The following IQUB variants were observed in gnomAD, a reference collection of about 807,000 sequenced individuals.
The protein encoded by IQUB is IQ motif and ubiquitin domain containing, also known as IQ motif and ubiquitin-like domain-containing protein.
In IQUB, 86 loss-of-function variants were observed where a neutral mutation model predicts 86.4. The observed-to-expected ratio is 1.00, with a 90% CI of 0.84 to 1.19. The LOEUF is 1.19. Ranked by LOEUF, IQUB falls within the 50% of genes most tolerant of loss-of-function variation. The probability of loss-of-function intolerance (pLI) is 0.00; values close to 1 mark genes in which losing one functional copy is unlikely to be tolerated. For synonymous variants in IQUB, 289 were observed against 304.5 expected (o/e 0.95, Z 0.53); for missense variants, 946 against 916.9 (o/e 1.03, Z -0.41).
intron 9 of IQUB, 126 bp from the exon 10 acceptor site, chr7:123,465,135 A>C (rs1794187704): frequency 1.6e-6 from 1 of 634,438 alleles, no homozygotes; most frequent in Non-Finnish European, 2.7e-6. Flanking sequence ...TAGGAGTATA[A>C]ATTGGCAAAA....
chr7:123,466,664 A>G (rs1293044832), intron 9 of IQUB, among the ~76,000 whole-genome samples: 1 of 152,176 alleles, frequency 6.6e-6, no homozygotes, highest in African/African-American at 2.4e-5. Context: ...ATCCACAGAA[A>G]GAGCGTTCTT....
At chr7:123,496,576 T>C in intron 7 of IQUB, 120 bp downstream of exon 7, 1 of 589,626 alleles carries the variant, frequency 1.7e-6, no homozygotes. Flanking sequence ...AATTCTCTAC[T>C]GCAAATTTCC....
intron 7 of IQUB, among the ~76,000 whole-genome samples, chr7:123,483,705 T>C (rs917456239): frequency 6.6e-6 from 1 of 152,100 alleles, no homozygotes; most frequent in African/African-American, 2.4e-5. Context: ...TCTTTTCATT[T>C]ATCTTCACCT....
chr7:123,474,671 C>G (rs1003094383), intron 8 of IQUB, among the ~76,000 whole-genome samples: 6 of 152,308 alleles, frequency 3.9e-5, no homozygotes, highest in African/African-American at 1.4e-4. Context: ...CATTTTTAAA[C>G]ACTGGACTAA....
At chr7:123,488,766 C>A (rs1207442476) in intron 7 of IQUB, among the ~76,000 whole-genome samples, 1 of 152,150 alleles carries the variant, frequency 6.6e-6, no homozygotes, top group African/African-American at 2.4e-5. Context: ...AATATTACAG[C>A]TCATATAAGT....
chr7:123,511,361 A>C (rs1417208359), intron 2 of IQUB, among the ~76,000 whole-genome samples: 1 of 152,206 alleles, frequency 6.6e-6, no homozygotes, highest in Non-Finnish European at 1.5e-5. Context: ...CTCTGCTGTT[A>C]TTAAGAATAT....
chr7:123,480,979 A>G (rs1234356320), intron 7 of IQUB, among the ~76,000 whole-genome samples: 1 of 152,134 alleles, frequency 6.6e-6, no homozygotes. Flanking sequence ...TTTTACATAT[A>G]CTAAATTTGG....
At chr7:123,513,182 A>G (rs1796505295) in intron 1 of IQUB, among the ~76,000 whole-genome samples, 1 of 152,184 alleles carries the variant, frequency 6.6e-6, no homozygotes, top group Non-Finnish European at 1.5e-5. Context: ...CTTTATGGAG[A>G]AAATAAATTC....
chr7:123,510,128 T>C, intron 2 of IQUB, 93 bp from the exon 3 acceptor site: 1 of 767,758 alleles, frequency 1.3e-6, no homozygotes, highest in Non-Finnish European at 2.0e-6. Context: ...TATGTGTTAA[T>C]TTTTAATTAC....
chr7:123,523,075 T>G (rs926272740), intron 1 of IQUB, among the ~76,000 whole-genome samples: 3 of 151,278 alleles, frequency 2.0e-5, no homozygotes, highest in African/African-American at 7.3e-5. Flanking sequence ...GGTGTATATG[T>G]GCCACATTTT....
intron 8 of IQUB, among the ~76,000 whole-genome samples, chr7:123,476,692 G>A (rs150859069): frequency 3.5e-4 from 53 of 151,110 alleles, no homozygotes; most frequent in South Asian, 3.4e-3. Context: ...TGTCAGGGTC[G>A]AGCTCATGCA....
At chr7:123,471,223 A>G (rs1794508664) in intron 8 of IQUB, among the ~76,000 whole-genome samples, 1 of 152,240 alleles carries the variant, frequency 6.6e-6, no homozygotes, top group Non-Finnish European at 1.5e-5. Context: ...AAAAGCTTAT[A>G]AGGAAAATAG....
At position 123,503,269 on chromosome 7, in the gene IQUB, C is replaced by A. The variant is rs1487998246; in HGVS notation, c.627G>T (p.Leu209=). The A allele has an allele frequency of 6.2e-7, 1 of 1,609,918 alleles. No individual in the cohort carries two copies. Among genetic ancestry groups the A allele is most frequent in the Non-Finnish European group, 8.5e-7 (1 of 1,176,400 alleles). The part of the protein sequence containing the change: ...QVEIFSTNPD[L]YPVRRIDGLT... ...ATCCATCTATTCTTCTGACTGGATA[C>A]AGATCTGGATTTGTAGAAAAGATTT... Residue 209 remains leucine, a synonymous_variant, in exon 4 of 13, where the codon CTG becomes CTT. Coordinates refer to ENST00000324698, the MANE Select transcript of IQUB (RefSeq NM_178827.5).
chr7:123,458,874 A>C (rs1333715970), intron 11 of IQUB, among the ~76,000 whole-genome samples: 2 of 151,950 alleles, frequency 1.3e-5, no homozygotes, highest in Non-Finnish European at 2.9e-5. Context: ...TACAACACTC[A>C]AATCTCTTGT....
In IQUB at chr7:123,499,257, G is replaced by A. The variant is rs191322246; in HGVS notation, c.1024-2351C>T. 8.5e-5 allele frequency among the ~76,000 whole-genome samples: 13 copies of A among 152,060 alleles called. No homozygotes were observed. In the East Asian group the frequency reaches 1.4e-3, roughly 16 times the overall value. The stretch of plus-strand genomic sequence containing the variant: ...CCTGAGCAGTTGGGACCACAGGCAC[G>A]TGCCACTATGCCTAGCTAATTCTTG... On this transcript the variant is annotated intron_variant, in intron 6 of 12. Transcript: ENST00000324698.
At chr7:123,525,634 C>G (rs1232078811) in intron 1 of IQUB, among the ~76,000 whole-genome samples, 4 of 151,848 alleles carry the variant, frequency 2.6e-5, no homozygotes, top group Admixed American at 1.3e-4. Context: ...CAATTTTGTT[C>G]ATCCTTTCAA....
rs567184560 is a variant in IQUB at position 123,488,291 on chromosome 7, A to T, written c.1235-8321T>A. ...AGGAGGCGGAGCTTCCAGTGAGCCA[A>T]GATCACACCACTCCACTCCAGCCTG... On this transcript the variant is annotated intron_variant, in intron 7 of 12. Transcript: ENST00000324698. Among the ~76,000 whole-genome samples the T allele has an allele frequency of 5.9e-5, 9 of 151,560 alleles. No individual in the cohort carries two copies. In the East Asian group the frequency reaches 1.7e-3, roughly 29 times the overall value.
intron 1 of IQUB, among the ~76,000 whole-genome samples, chr7:123,512,954 G>A (rs1354152248): frequency 6.6e-6 from 1 of 152,166 alleles, no homozygotes; most frequent in African/African-American, 2.4e-5. Context: ...GGCCAGGATA[G>A]TCCAAGGCAT....
chr7:123,454,831 T>C (rs1196063293), intron 12 of IQUB, among the ~76,000 whole-genome samples: 1 of 152,140 alleles, frequency 6.6e-6, no homozygotes, highest in African/African-American at 2.4e-5. Context: ...CCTCACATCA[T>C]ATCAAGGGTA....
Sources: allele counts gnomAD v4.1 joint callset (sites outside exome capture counted in the v4.1 genomes callset), GRCh38; gene constraint gnomAD v4.1.1; transcripts MANE v1.5; gene names NCBI Gene and HGNC (gene_info 2026-07-23, HGNC 2026-07-21).